The following ZNF208 variants were observed in gnomAD, a reference collection of about 807,000 sequenced individuals.
The protein encoded by ZNF208 is zinc finger protein 95.
A neutral mutation model predicts 12.1 loss-of-function variants in ZNF208; 10 were observed. The observed-to-expected ratio is 0.83, with a 90% confidence interval of 0.51 to 1.40. The LOEUF (loss-of-function observed/expected upper bound fraction) is 1.40, where lower values mean the gene tolerates loss of function less well. Ranked by LOEUF, ZNF208 falls within the 40% of genes most tolerant of loss-of-function variation. The pLI is 0.00. For synonymous variants in ZNF208, 497 were observed against 488.4 expected (o/e 1.02, Z -0.23); for missense variants, 1,652 against 1,485.0 (o/e 1.11, Z -1.85).
At position 21,973,514 on chromosome 19, in the gene ZNF208, T is replaced by C. The variant is rs1970354019; in HGVS notation, c.1520A>G (p.Asn507Ser). 1 of 1,612,578 alleles carries C rather than the reference T, an allele frequency of 6.2e-7. No individual in the cohort carries two copies. The highest frequency in any genetic ancestry group is 8.5e-7 in the Non-Finnish European group (1 of 1,179,550). ...ATGTTCCATAAGGTTTGAGGACCAG[T>C]TGAAAGCTTTGCCACATTCTTCACA... The part of the protein sequence containing the change: ...YKCEECGKAF[N>S]WSSNLMEHKR... The change falls in exon 4 of 4, where the codon AAC (asparagine) becomes AGC (serine). Residue 507 changes from asparagine to serine, a missense_variant. By Grantham distance (46) the Asn-to-Ser change is conservative (BLOSUM62 1). Around this residue, in one of 3 missense-constraint regions of ZNF208, gnomAD observed 1,239 missense variants for 1,086.2 expected, o/e 1.14. Coordinates refer to ENST00000397126, the MANE Select transcript of ZNF208 (RefSeq NM_007153.3).
In ZNF208 at chr19:21,969,308, A is replaced by C. The variant is rs1970234064; in HGVS notation, c.*1883T>G. Among the ~76,000 whole-genome samples, 1 of 152,104 alleles carries C rather than the reference A, an allele frequency of 6.6e-6. No homozygotes were observed. ...AAAAAAATCTGTGTTTTGAAGAAAA[A>C]AGTATACTTTAAATTTAATTATAAC... is the stretch of plus-strand genomic sequence containing the variant. On this transcript the variant is annotated 3_prime_UTR_variant, in exon 4 of 4. Coordinates refer to ENST00000397126, the MANE Select transcript of ZNF208 (RefSeq NM_007153.3).
At position 22,004,459 on chromosome 19, in the gene ZNF208, G is replaced by A. The variant is rs1295140048; in HGVS notation, c.3+6333C>T. Among the ~76,000 whole-genome samples, 15 of 152,116 alleles carry A rather than the reference G, an allele frequency of 9.9e-5. No individual in the cohort carries two copies. In the East Asian group the frequency reaches 2.3e-3, roughly 24 times the overall value. On this transcript the variant is annotated intron_variant, in intron 1 of 3. Transcript: ENST00000397126. The stretch of plus-strand genomic sequence containing the variant: ...ACCTGGGAGGTAGAGGTTGCAATGC[G>A]CCGAGATCAAGCCACTGCACTCCAG...
At chr19:21,999,060 GCTATAATTTATAAATTATATAC>G (rs201450184) in intron 1 of ZNF208, among the ~76,000 whole-genome samples, 130 of 26,780 alleles carry the variant, frequency 4.9e-3, no homozygotes, top group East Asian at 0.035. Flanking sequence ...ATAATTTTAT[GCTATAATTTATAAATTATATAC>G]CTATAATTTA....
Position 21,967,446 on chromosome 19 carries a change from T to C in ZNF208, c.*3745A>G, listed in dbSNP as rs1488207606. 1 of 152,176 alleles carries C rather than the reference T, an allele frequency of 6.6e-6. No individual in the cohort carries two copies. The highest frequency in any genetic ancestry group is 2.4e-5 in the African/African-American group (1 of 41,442). The allele number at this position is 152,176 out of a possible 1,614,324, so 9.4% of individuals were successfully genotyped here. A position where few individuals can be genotyped will look rare whatever the true frequency, so the allele number is the denominator to read the frequency against. On this transcript the variant is annotated 3_prime_UTR_variant, in exon 4 of 4. Coordinates refer to ENST00000397126, the MANE Select transcript of ZNF208 (RefSeq NM_007153.3). ...AACCATGTTATACTGGTTATTCTGA[T>C]GCAATCTTGGCTCACTGCAACCTCC...
At chr19:21,947,239 C>T (rs1969828342) in intron 4 of ZNF208, among the ~76,000 whole-genome samples, 1 of 152,160 alleles carries the variant, frequency 6.6e-6, no homozygotes, top group Non-Finnish European at 1.5e-5. Flanking sequence ...GAGAATATTT[C>T]ACCCTGAGTA....
intron 3 of ZNF208, among the ~76,000 whole-genome samples, chr19:21,981,545 G>A (rs1970538775): frequency 1.3e-5 from 2 of 152,186 alleles, no homozygotes; most frequent in African/African-American, 2.4e-5. Flanking sequence ...ACTAGGTATA[G>A]ATGGAACGTA....
intron 1 of ZNF208, among the ~76,000 whole-genome samples, chr19:21,990,083 T>A (rs1970704881): frequency 6.6e-6 from 1 of 152,148 alleles, no homozygotes; most frequent in African/African-American, 2.4e-5. Context: ...AGCTCTTTAG[T>A]TCAATTAGAT....
At chr19:21,985,702 G>A (rs1277688438) in intron 3 of ZNF208, among the ~76,000 whole-genome samples, 1 of 152,218 alleles carries the variant, frequency 6.6e-6, no homozygotes, top group Non-Finnish European at 1.5e-5. Context: ...CATGACGGCA[G>A]GCCGGCAGAC....
chr19:22,003,843 A>G (rs1284556205), intron 1 of ZNF208, among the ~76,000 whole-genome samples: 2 of 152,122 alleles, frequency 1.3e-5, no homozygotes, highest in Non-Finnish European at 2.9e-5. Flanking sequence ...CATGGAATCA[A>G]CCTAAATGCC....
At position 22,008,469 on chromosome 19, in the gene ZNF208, C is replaced by T. The variant is rs560747634; in HGVS notation, c.3+2323G>A. Among the ~76,000 whole-genome samples, 3 of 152,222 alleles carry T rather than the reference C, an allele frequency of 2.0e-5. No individual in the cohort carries two copies. In the South Asian group the frequency reaches 6.2e-4, roughly 32 times the overall value. On this transcript the variant is annotated intron_variant, in intron 1 of 3. Coordinates refer to ENST00000397126, the MANE Select transcript of ZNF208 (RefSeq NM_007153.3). The stretch of plus-strand genomic sequence containing the variant: ...CACTTAAGTGCTCAGTAACCATTCT[C>T]TCAGGAGACTCTGAACTATGCCCCA...
chr19:21,976,638 T>G (rs140414488), intron 3 of ZNF208, among the ~76,000 whole-genome samples: 543 of 152,278 alleles, frequency 3.6e-3, no homozygotes, highest in African/African-American at 0.012. Context: ...TCAGCTCACT[T>G]GAACCTCTGC....
chr19:22,001,261 G>A (rs568853377), intron 1 of ZNF208, among the ~76,000 whole-genome samples: 2 of 151,354 alleles, frequency 1.3e-5, no homozygotes, highest in South Asian at 4.2e-4. Flanking sequence ...CTCCAGCCTA[G>A]GCAACAAGAG....
intron 3 of ZNF208, among the ~76,000 whole-genome samples, chr19:21,982,288 G>A (rs1427242943): frequency 1.3e-5 from 2 of 150,720 alleles, no homozygotes; most frequent in East Asian, 2.0e-4. Context: ...AACCTGGGAG[G>A]TGGAGCTTGC....
downstream of ZNF208, among the ~76,000 whole-genome samples, chr19:21,961,630 C>T (rs951012534): frequency 1.3e-5 from 2 of 152,078 alleles, no homozygotes; most frequent in African/African-American, 4.8e-5. Flanking sequence ...TTATCTCAAT[C>T]ACATAAGACA....
downstream of ZNF208, among the ~76,000 whole-genome samples, chr19:21,964,413 A>T (rs1029723935): frequency 6.6e-6 from 1 of 151,770 alleles, no homozygotes; most frequent in African/African-American, 2.4e-5. Flanking sequence ...ATTCTCTCTA[A>T]ATTTTTAAAT....
chr19:22,005,481 CA>C (rs752129823), intron 1 of ZNF208, among the ~76,000 whole-genome samples: 4 of 152,104 alleles, frequency 2.6e-5, no homozygotes, highest in Non-Finnish European at 5.9e-5. Context: ...ACCAAATCTG[CA>C]GAGTTTGATG....
chr19:21,975,851 A>AAAAAAAAAAAAAAAAAAAG (rs377638519), intron 3 of ZNF208, among the ~76,000 whole-genome samples: 2 of 91,880 alleles, frequency 2.2e-5, no homozygotes, highest in African/African-American at 4.6e-5. Flanking sequence ...AAAAAAAAAA[A>AAAAAAAAAAAAAAAAAAAG]GCTATCAAGT....
rs756620266 is a variant in ZNF208, at chr19:21,972,971, G to T, written c.2063C>A (p.Thr688Asn). 2.4e-5 allele frequency: 38 copies of T among 1,613,564 alleles called. No homozygotes were observed. The highest frequency in any genetic ancestry group is 3.1e-5 in the Non-Finnish European group (37 of 1,179,894). The stretch of plus-strand genomic sequence containing the variant: ...TTCACATTTGTAGGGTTTCTCTCCA[G>T]TATGAATTACCTTATGTTTAGTAAG... The part of the protein sequence containing the change: ...SILTKHKVIH[T>N]GEKPYKCEEC... Residue 688 changes from threonine (T) to asparagine (N), a missense_variant, in exon 4 of 4, where the codon ACT (threonine) becomes AAT (asparagine). By Grantham distance (65) the Thr-to-Asn change is moderately conservative (BLOSUM62 0). Coordinates refer to ENST00000397126, the MANE Select transcript of ZNF208 (RefSeq NM_007153.3).
At chr19:21,955,287 A>G (rs557597640) in intron 4 of ZNF208, among the ~76,000 whole-genome samples, 2 of 152,288 alleles carry the variant, frequency 1.3e-5, no homozygotes, top group African/African-American at 4.8e-5. Flanking sequence ...AACTTTGATG[A>G]ATCTGACGAT....
Sources: gnomAD v4.1 joint callset for allele counts (sites outside exome capture counted in the v4.1 genomes callset) on GRCh38, gnomAD v4.1.1 for gene constraint, gnomAD v4.1.1 regional missense constraint, MANE v1.5 for transcripts, NCBI Gene and HGNC (gene_info 2026-07-23, HGNC 2026-07-21) for gene names.